ZNF114: variants seen among roughly 807,000 people sequenced by gnomAD.
ZNF114 encodes the protein zinc finger protein 114 (Y18).
Under a neutral mutation model 6.8 loss-of-function variants are expected in ZNF114, and 8 were observed. The observed-to-expected ratio is 1.18, with a 90% confidence interval of 0.69 to 2.13. The LOEUF is 2.13. ZNF114 is among the 30% of genes most tolerant of loss of function. ZNF114 has a pLI of 0.00. For missense variants in ZNF114, 472 were observed against 519.5 expected (o/e 0.91, Z 0.89); for synonymous variants, 169 against 185.5 (o/e 0.91, Z 0.72).
intron 5 of ZNF114, among the ~76,000 whole-genome samples, chr19:48,285,237 C>T (rs575147751): frequency 6.6e-6 from 1 of 152,282 alleles, no homozygotes; most frequent in Admixed American, 6.5e-5. Context: ...TTGGCTCATG[C>T]CTGTAATCCC....
intron 4 of ZNF114, among the ~76,000 whole-genome samples, chr19:48,280,211 C>T (rs1185269959): frequency 6.6e-6 from 1 of 151,864 alleles, no homozygotes; most frequent in Non-Finnish European, 1.5e-5. Flanking sequence ...AGCAAGACCA[C>T]CGTCTCTATA....
At chr19:48,279,000 G>A (rs1050283151) in intron 3 of ZNF114, among the ~76,000 whole-genome samples, 1 of 151,920 alleles carries the variant, frequency 6.6e-6, no homozygotes, top group Admixed American at 6.6e-5. Context: ...AGGGGAGAAT[G>A]GGAAGTGACT....
Position 48,279,741 on chromosome 19 carries a change from C to T in ZNF114, c.-59C>T. 1 of 1,613,286 alleles carries T rather than the reference C, an allele frequency of 6.2e-7. No individual in the cohort carries two copies. The highest frequency in any genetic ancestry group is 1.1e-5 in the South Asian group (1 of 91,072). On this transcript the variant is annotated 5_prime_UTR_variant, in exon 4 of 6. Transcript: ENST00000595607. ...CATTCTTCTCCCAAGCTCTGCCTCA[C>T]CTGCCTCCTTGAAGGAAACACGGGG... is the stretch of plus-strand genomic sequence containing the variant.
chr19:48,284,807 T>C (rs1968076370), intron 5 of ZNF114, among the ~76,000 whole-genome samples: 4 of 152,170 alleles, frequency 2.6e-5, no homozygotes, highest in South Asian at 2.1e-4. Context: ...CCTTTTCTCC[T>C]TAAAATTGCA....
chr19:48,279,860 CA>C (rs1967946222), intron 4 of ZNF114, 52 bp downstream of exon 4: 2 of 1,613,202 alleles, frequency 1.2e-6, no homozygotes, highest in Admixed American at 3.3e-5. Context: ...TCCCACGAGT[CA>C]ATGTGCCTCT....
chr19:48,274,508 T>TATATATATA (rs1600836581), intron 3 of ZNF114, among the ~76,000 whole-genome samples: 1 of 29,612 alleles, frequency 3.4e-5, no homozygotes, highest in East Asian at 1.5e-3. Flanking sequence ...ATATATATAT[T>TATATATATA]TTTTTTTTTT....
intron 3 of ZNF114, among the ~76,000 whole-genome samples, chr19:48,278,138 G>A (rs1967897874): frequency 6.6e-6 from 1 of 152,120 alleles, no homozygotes; most frequent in African/African-American, 2.4e-5. Context: ...GTTTCGCCAT[G>A]TTGGCCAGGA....
At chr19:48,273,733 C>T (rs1263282542) in intron 3 of ZNF114, among the ~76,000 whole-genome samples, 3 of 150,982 alleles carry the variant, frequency 2.0e-5, no homozygotes, top group Non-Finnish European at 4.4e-5. Context: ...TGACTTGGAT[C>T]CCCCAGGCAA....
chr19:48,271,538 C>T (rs1458659069), intron 2 of ZNF114, 89 bp downstream of exon 2: 1 of 14,674 alleles, frequency 6.8e-5, no homozygotes, highest in Non-Finnish European at 1.5e-4. Context: ...GGGGGTGGGA[C>T]GGGGGTGGGC....
chr19:48,275,481 T>C (rs905145890), intron 3 of ZNF114, among the ~76,000 whole-genome samples: 2 of 140,438 alleles, frequency 1.4e-5, no homozygotes, highest in Non-Finnish European at 3.1e-5. Context: ...GTGGTGGTGG[T>C]CGCCTGTACT....
At chr19:48,277,794 G>GGGGGTGTGTGTGTGTGTGTGTGT (rs1330052475) in intron 3 of ZNF114, among the ~76,000 whole-genome samples, 1 of 119,338 alleles carries the variant, frequency 8.4e-6, no homozygotes, top group African/African-American at 3.3e-5. Context: ...GGAGGCATTG[G>GGGGGTGTGTGTGTGTGTGTGTGT]GTGTGTGTGT....
chr19:48,287,022 C>A lies in ZNF114; in HGVS notation c.*144C>A. 1.2e-6 allele frequency: 1 copy of A among 863,878 alleles called. No individual in the cohort carries two copies. The highest frequency in any genetic ancestry group is 1.7e-6 in the Non-Finnish European group (1 of 605,044). 53.5% of individuals were successfully genotyped at this position (863,878 alleles called of 1,614,324 possible). ...TCTTACAGAAATGTGAAAAAAAACC[C>A]TGTGAAGGTAAAGTCTACAGAAAGC... On this transcript the variant is annotated 3_prime_UTR_variant, in exon 6 of 6. Coordinates refer to ENST00000595607, the MANE Select transcript of ZNF114 (RefSeq NM_153608.4).
intron 3 of ZNF114, among the ~76,000 whole-genome samples, chr19:48,272,065 A>T (rs1967673203): frequency 6.6e-6 from 1 of 152,220 alleles, no homozygotes. Flanking sequence ...CTTGGGCAGC[A>T]GAGATGCCCG....
rs117587291 is a variant in ZNF114 at position 48,279,823 on chromosome 19, C to T, written c.9+15C>T. The T allele has an allele frequency of 0.011, 17,542 of 1,613,836 alleles. 143 individuals are homozygous for T. Among genetic ancestry groups the T allele is most frequent in the Middle Eastern group, 0.015 (89 of 6,062 alleles). ...ATATGTCCCAGGTAAGTTGGCAGCTCACCCTCTCCCAGAAGCGTGTTGTCG... is the reference window on the plus strand; with the variant it reads ...ATATGTCCCAGGTAAGTTGGCAGCTTACCCTCTCCCAGAAGCGTGTTGTCG... On this transcript the variant is annotated intron_variant, in intron 4 of 5. Coordinates refer to ENST00000595607, the MANE Select transcript of ZNF114 (RefSeq NM_153608.4).
chr19:48,279,676 C>T lies in ZNF114; in HGVS notation c.-69-55C>T, dbSNP rs539249821. ...ATTAATGTCAGGCAGGATCCACATA[C>T]GAGTGTGGGGAAGGCAGGGTGCCTG... On this transcript the variant is annotated intron_variant, in intron 3 of 5. Transcript: ENST00000595607. 4.5e-5 allele frequency: 56 copies of T among 1,235,762 alleles called. No individual in the cohort carries two copies. The Middle Eastern group carries it at 5.8e-4, about 13-fold the overall frequency. The allele number at this position is 1,235,762 out of a possible 1,614,324, so 76.5% of individuals were successfully genotyped here.
chr19:48,282,573 T>C, intron 5 of ZNF114, 76 bp downstream of exon 5: 2 of 1,506,546 alleles, frequency 1.3e-6, no homozygotes, highest in Non-Finnish European at 1.8e-6. Flanking sequence ...GGGAAGTGCA[T>C]TGGAAAATGG....
intron 3 of ZNF114, among the ~76,000 whole-genome samples, chr19:48,277,485 G>GT (rs560294417): frequency 2.0e-5 from 3 of 152,174 alleles, no homozygotes; most frequent in Non-Finnish European, 4.4e-5. Context: ...CAAGGCTTGT[G>GT]TTTTTTTCCC....
intron 3 of ZNF114, among the ~76,000 whole-genome samples, chr19:48,274,506 ATTTTTTT>A (rs869126962): frequency 0.039 from 677 of 17,146 alleles, 6 homozygotes; most frequent in African/African-American, 0.089. Context: ...ATATATATAT[ATTTTTTT>A]TTTTTTTTTT....
chr19:48,274,729 C>G (rs2147283379), intron 3 of ZNF114, among the ~76,000 whole-genome samples: 1 of 151,804 alleles, frequency 6.6e-6, no homozygotes, highest in South Asian at 2.1e-4. Context: ...TGACCTCGAA[C>G]TCCCAACCTC....
Sources: gnomAD v4.1 joint callset for allele counts (sites outside exome capture counted in the v4.1 genomes callset) on GRCh38, gnomAD v4.1.1 for gene constraint, MANE v1.5 for transcripts, NCBI Gene and HGNC (gene_info 2026-07-23, HGNC 2026-07-21) for gene names.